NFIB: variants seen among roughly 807,000 people sequenced by gnomAD.
The protein encoded by NFIB is nuclear factor 1 B-type.
In NFIB, 11 loss-of-function variants were observed where a neutral mutation model predicts 61.5. The ratio of observed to expected loss-of-function variants is 0.18; its 90% CI spans 0.11 to 0.30. The LOEUF (loss-of-function observed/expected upper bound fraction) is 0.30. NFIB is among the 10% of genes least tolerant of loss of function. The pLI, the probability that NFIB is intolerant of heterozygous loss-of-function variation, is 1.00. For synonymous variants in NFIB, 260 were observed against 216.5 expected (o/e 1.20, Z -1.76); for missense variants, 471 against 608.9 (o/e 0.77, Z 2.38).
At chr9:14,217,106 G>A (rs1310620362) in intron 2 of NFIB, among the ~76,000 whole-genome samples, 1 of 152,128 alleles carries the variant, frequency 6.6e-6, no homozygotes, top group Admixed American at 6.5e-5. Context: ...CTTATTTTTG[G>A]TATCAAGGTG....
intron 7 of NFIB, 83 bp downstream of exon 7, chr9:14,125,549 T>A: frequency 6.5e-7 from 1 of 1,545,278 alleles, no homozygotes. Context: ...ATAGCTCTAT[T>A]TATAAACTTT....
intron 2 of NFIB, among the ~76,000 whole-genome samples, chr9:14,191,079 G>C (rs576877347): frequency 6.7e-6 from 1 of 148,940 alleles, no homozygotes; most frequent in South Asian, 2.2e-4. Context: ...TGTAGTCCCA[G>C]CTACTTGGGA....
chr9:14,295,207 A>G (rs1309801429), intron 2 of NFIB, among the ~76,000 whole-genome samples: 2 of 152,122 alleles, frequency 1.3e-5, no homozygotes, highest in African/African-American at 2.4e-5. Context: ...AATGGCAATA[A>G]AATCAAAACA....
At chr9:14,275,495 G>T (rs144547652) in intron 2 of NFIB, among the ~76,000 whole-genome samples, 1 of 152,114 alleles carries the variant, frequency 6.6e-6, no homozygotes, top group Non-Finnish European at 1.5e-5. Context: ...ATCATGCCAG[G>T]CTAGGAAGAC....
the NFIB span, among the ~76,000 whole-genome samples, chr9:14,454,982 G>T: frequency 7.9e-5 from 12 of 152,302 alleles, no homozygotes; most frequent in East Asian, 2.1e-3. Context: ...AAAGCTGAGT[G>T]GGAATAGGTA....
At chr9:14,285,823 T>C (rs1000210970) in intron 2 of NFIB, among the ~76,000 whole-genome samples, 3 of 152,100 alleles carry the variant, frequency 2.0e-5, no homozygotes, top group Admixed American at 6.5e-5. Flanking sequence ...TAAGTGGGTA[T>C]CACTTAAGCA....
At chr9:14,364,976 T>C (rs535484036) in intron 1 of NFIB, among the ~76,000 whole-genome samples, 3 of 152,302 alleles carry the variant, frequency 2.0e-5, no homozygotes, top group South Asian at 4.1e-4. Context: ...CTGTGCCATA[T>C]AGTGGGCTGT....
chr9:14,218,911 G>T (rs929320477), intron 2 of NFIB, among the ~76,000 whole-genome samples: 27 of 152,112 alleles, frequency 1.8e-4, no homozygotes, highest in African/African-American at 6.0e-4. Context: ...ACTCTTCGAA[G>T]TACCACATGG....
the NFIB span, among the ~76,000 whole-genome samples, chr9:14,510,411 T>G: frequency 1.3e-5 from 2 of 152,194 alleles, no homozygotes; most frequent in Admixed American, 6.5e-5. Context: ...CAATTTTCTT[T>G]GACACTCTTG....
Position 14,307,659 on chromosome 9 carries a change from T to C in NFIB, c.31-139A>G, listed in dbSNP as rs952221373. 1.2e-5 allele frequency: 10 copies of C among 861,562 alleles called. No individual in the cohort carries two copies. In the African/African-American group the frequency reaches 1.4e-4, roughly 12 times the overall value. 53.4% of individuals were successfully genotyped at this position (861,562 alleles called of 1,614,324 possible). A position where few individuals can be genotyped will look rare whatever the true frequency, so the allele number is the denominator to read the frequency against. Reference sequence around the variant, plus strand: ...ACATGAAAATAACATTCCTTTCTTATTTAAAATTATCAAAATAACAGGACA... The same window carrying C: ...ACATGAAAATAACATTCCTTTCTTACTTAAAATTATCAAAATAACAGGACA... On this transcript the variant is annotated intron_variant, in intron 1 of 10. Coordinates refer to ENST00000380953, the MANE Select transcript of NFIB (RefSeq NM_001190737.2). This position sits in a 1 kb window ranked among gnomAD's most constrained non-coding sequence, Gnocchi z 5.3.
intron 2 of NFIB, among the ~76,000 whole-genome samples, chr9:14,243,964 T>C (rs910305375): frequency 5.3e-5 from 8 of 152,210 alleles, no homozygotes; most frequent in Non-Finnish European, 1.0e-4. Context: ...TACCGTATAC[T>C]GTAGTTATCA....
At chr9:14,130,229 C>T (rs566071276) in intron 6 of NFIB, among the ~76,000 whole-genome samples, 2 of 151,506 alleles carry the variant, frequency 1.3e-5, no homozygotes, top group East Asian at 1.9e-4. Flanking sequence ...GCAAGATCTA[C>T]CACAGTATCA....
At chr9:14,105,096 T>C (rs2036361257) in intron 10 of NFIB, among the ~76,000 whole-genome samples, 1 of 152,150 alleles carries the variant, frequency 6.6e-6, no homozygotes, top group Non-Finnish European at 1.5e-5. Context: ...TGTCTGTTTG[T>C]TTGTTTTACG....
chr9:14,364,223 T>C lies in NFIB; in HGVS notation c.108+34301A>G, dbSNP rs186176405. On this transcript the variant is annotated intron_variant, in intron 1 of 8. Coordinates refer to the NFIB transcript ENST00000380934. ...CCCCACCCTCTTAGCAACCCTAAAA[T>C]CGTGCAATTTGGGAATGTCTGAAGT... Among the ~76,000 whole-genome samples the C allele has an allele frequency of 2.8e-3, 423 of 152,256 alleles. 3 individuals carry two copies. The highest frequency in any genetic ancestry group is 0.023 in the South Asian group (109 of 4,822).
chr9:14,344,413 G>A (rs187591221), intron 1 of NFIB, among the ~76,000 whole-genome samples: 3 of 151,952 alleles, frequency 2.0e-5, no homozygotes, highest in East Asian at 1.9e-4. Context: ...GTCTCAGAAG[G>A]GGGGGGTAGA....
At chr9:14,507,072 A>C in the NFIB span, among the ~76,000 whole-genome samples, 2 of 152,242 alleles carry the variant, frequency 1.3e-5, no homozygotes, top group Admixed American at 1.3e-4. Flanking sequence ...AAAATCATTT[A>C]AAAAAGTTTT....
At chr9:14,090,480 C>T (rs950270311) in intron 10 of NFIB, among the ~76,000 whole-genome samples, 4 of 152,072 alleles carry the variant, frequency 2.6e-5, no homozygotes, top group Non-Finnish European at 4.4e-5. Flanking sequence ...GCATTTATTA[C>T]TTCATAAATA....
chr9:14,176,977 C>T (rs1364078156), intron 3 of NFIB, among the ~76,000 whole-genome samples: 4 of 152,174 alleles, frequency 2.6e-5, no homozygotes, highest in Admixed American at 6.5e-5. Context: ...CAGGAATAGA[C>T]GGTAGCAATT....
In NFIB at chr9:14,307,621, T is replaced by A; in HGVS notation, c.31-101A>T. ...AGACCACAACCCGTTTCCAATTCAG[T>A]ACAAAAAGTTATACATGAAAATAAC... On this transcript the variant is annotated intron_variant, in intron 1 of 10. Coordinates refer to ENST00000380953, the MANE Select transcript of NFIB (RefSeq NM_001190737.2). This position sits in a 1 kb window ranked among gnomAD's most constrained non-coding sequence, Gnocchi z 5.3. The A allele has an allele frequency of 9.1e-7, 1 of 1,100,524 alleles. No homozygotes were observed. The highest frequency in any genetic ancestry group is 1.2e-6 in the Non-Finnish European group (1 of 803,212). 68.2% of individuals were successfully genotyped at this position (1,100,524 alleles called of 1,614,324 possible). A position where few individuals can be genotyped will look rare whatever the true frequency, so the allele number is the denominator to read the frequency against.
Sources: gnomAD v4.1 joint callset for allele counts (sites outside exome capture counted in the v4.1 genomes callset) on GRCh38, gnomAD v4.1.1 for gene constraint, Gnocchi (gnomAD v3.1) non-coding constraint, MANE v1.5 for transcripts, NCBI Gene and HGNC (gene_info 2026-07-23, HGNC 2026-07-21) for gene names.